Variants in LITAF observed in about 807,000 individuals in gnomAD.
LITAF encodes lipopolysaccharide-induced tumor necrosis factor-alpha factor.
Under a neutral mutation model 14.5 loss-of-function variants are expected in LITAF, and 9 were observed. The ratio of observed to expected loss-of-function variants is 0.62; its 90% CI spans 0.37 to 1.08. The LOEUF (loss-of-function observed/expected upper bound fraction) is 1.08. LITAF is among the 50% of genes least tolerant of loss of function. The pLI is 0.01. For synonymous variants in LITAF, 98 were observed against 88.2 expected, an observed-to-expected ratio of 1.11 and a Z score of -0.62; for missense variants, 206 against 213.4, an observed-to-expected ratio of 0.97 and a Z score of 0.22.
chr16:11,589,211 G>A (rs1028265145), upstream of LITAF, among the ~76,000 whole-genome samples: 9 of 151,958 alleles, frequency 5.9e-5, no homozygotes, highest in African/African-American at 7.3e-5. Flanking sequence ...CTCAATAGAC[G>A]GAAAAAGCAT....
At position 11,549,647 on chromosome 16, in the gene LITAF, T is replaced by C. The variant is rs1429813288; in HGVS notation, c.476A>G (p.Lys159Arg). Residue 159 changes from lysine (K) to arginine (R), a missense_variant, in exon 4 of 4, where the codon AAG becomes AGG. Transcript: ENST00000622633. This position sits in a 1 kb window ranked among gnomAD's most constrained non-coding sequence, Gnocchi z 4.6. ...ACGTCTGGCTGAGTCCTACAAACGC[T>C]TGTAGGTGCCCAGGAGAGCTCTGCA... ...PNCRALLGTY[K>R]RL 1.2e-6 allele frequency: 2 copies of C among 1,612,880 alleles called. No homozygotes were observed. The highest frequency in any genetic ancestry group is 1.1e-5 in the South Asian group (1 of 90,804).
chr16:11,592,805 G>A (rs903803289), intron 1 of LITAF, among the ~76,000 whole-genome samples: 3 of 152,114 alleles, frequency 2.0e-5, no homozygotes, highest in East Asian at 3.9e-4. Context: ...GGAGGCCGAG[G>A]TTGGCAGATC....
chr16:11,587,376 T>C (rs1377795726), upstream of LITAF: 1 of 453,824 alleles, frequency 2.2e-6, no homozygotes, highest in Non-Finnish European at 4.4e-6. Flanking sequence ...CCCGGCCCTC[T>C]GGAGGGCGGC....
At chr16:11,601,601 G>A (rs548118114), upstream of LITAF, among the ~76,000 whole-genome samples, 2 of 152,082 alleles carry the variant, frequency 1.3e-5, no homozygotes, top group African/African-American at 2.4e-5. Flanking sequence ...ACAGGGTCTC[G>A]CTCTGTCGCT....
chr16:11,568,683 G>T (rs55658561), intron 1 of LITAF, among the ~76,000 whole-genome samples: 17,985 of 133,250 alleles, frequency 0.13, 1,728 homozygotes, highest in Non-Finnish European at 0.2. Flanking sequence ...GTTTTTTTTT[G>T]TTTTTTTTTT....
chr16:11,562,049 G>A (rs1414191089), intron 1 of LITAF, among the ~76,000 whole-genome samples: 1 of 151,964 alleles, frequency 6.6e-6, no homozygotes, highest in African/African-American at 2.4e-5. Context: ...CTCTGGAGTA[G>A]GTGGGACTAC....
At chr16:11,562,824 G>C (rs574558986) in intron 1 of LITAF, among the ~76,000 whole-genome samples, 13 of 152,176 alleles carry the variant, frequency 8.5e-5, no homozygotes, top group Middle Eastern at 6.8e-3. Context: ...TTGAGCCCAA[G>C]AGTTTGAGAC....
upstream of LITAF, among the ~76,000 whole-genome samples, chr16:11,602,988 C>T (rs913404310): frequency 6.6e-6 from 1 of 152,028 alleles, no homozygotes; most frequent in African/African-American, 2.4e-5. Flanking sequence ...GTTGCCCATG[C>T]CTGTAGTCCC....
At position 11,632,834 on chromosome 16, in the gene LITAF, C is replaced by T. The variant is rs2046461343; in HGVS notation, c.85+699G>A. ...GTGCCGCCTCCTCGTCCTTCTTCTT[C>T]TGCCGAATGCCTGGAATTCCACAGG... is the stretch of plus-strand genomic sequence containing the variant. On this transcript the variant is annotated intron_variant, in intron 3 of 3. Transcript: ENST00000574848. The surrounding 1 kb of genome is among the most constrained non-coding windows in gnomAD (Gnocchi z 4.8). 6.6e-6 allele frequency among the ~76,000 whole-genome samples: 1 copy of T among 152,228 alleles called. No homozygotes were observed. The highest frequency in any genetic ancestry group is 2.4e-5 in the African/African-American group (1 of 41,462).
intron 1 of LITAF, among the ~76,000 whole-genome samples, chr16:11,595,125 G>A (rs1009903491): frequency 3.6e-4 from 55 of 152,090 alleles, no homozygotes; most frequent in African/African-American, 1.3e-3. Context: ...GACCAATTCC[G>A]GTCACTCATG....
Position 11,548,204 on chromosome 16 carries a change from T to C in LITAF, c.*1433A>G, listed in dbSNP as rs541416009. 2.2e-6 allele frequency: 1 copy of C among 454,114 alleles called. No homozygotes were observed. Among genetic ancestry groups the C allele is most frequent in the South Asian group, 1.6e-5 (1 of 64,480 alleles). 28.1% of individuals were successfully genotyped at this position (454,114 alleles called of 1,614,324 possible). A position where few individuals can be genotyped will look rare whatever the true frequency, so the allele number is the denominator to read the frequency against. On this transcript the variant is annotated 3_prime_UTR_variant, in exon 4 of 4. Coordinates refer to ENST00000622633, the MANE Select transcript of LITAF (RefSeq NM_001136472.2). Reference sequence around the variant, plus strand: ...TTATTTCTACATAGTAGTATTCACATGAGTTCCCTATTCTGAAGTATTATC... The same window carrying C: ...TTATTTCTACATAGTAGTATTCACACGAGTTCCCTATTCTGAAGTATTATC...
Position 11,605,433 on chromosome 16 carries a change from G to T in LITAF, c.85+28100C>A, listed in dbSNP as rs775931326. 5.3e-5 allele frequency among the ~76,000 whole-genome samples: 8 copies of T among 152,136 alleles called. No individual in the cohort carries two copies. Among genetic ancestry groups the T allele is most frequent in the Non-Finnish European group, 8.8e-5 (6 of 68,008 alleles). On this transcript the variant is annotated intron_variant, in intron 3 of 3. Transcript: ENST00000574848. The surrounding 1 kb of genome is among the most constrained non-coding windows in gnomAD (Gnocchi z 4.7). ...AAGGAGCACAGCTAGCACTGCCCTG[G>T]GCTCCCTTCACAGTGTGGGGGACCC...
chr16:11,637,605 C>G (rs1475767041), upstream of LITAF, among the ~76,000 whole-genome samples: 8 of 152,344 alleles, frequency 5.3e-5, no homozygotes, highest in Non-Finnish European at 1.2e-4. Flanking sequence ...CTGCTATTCA[C>G]AGCATAGGCT....
intron 2 of LITAF, among the ~76,000 whole-genome samples, chr16:11,633,906 G>T (rs1294611881): frequency 6.6e-6 from 1 of 152,188 alleles, no homozygotes; most frequent in Non-Finnish European, 1.5e-5. Flanking sequence ...ACCTGAAAGG[G>T]TTGCTGTGAG....
At chr16:11,611,598 A>G (rs1449001033) in intron 3 of LITAF, among the ~76,000 whole-genome samples, 1 of 152,080 alleles carries the variant, frequency 6.6e-6, no homozygotes, top group East Asian at 1.9e-4. Context: ...ATTGCAGCCA[A>G]TTGGGAGCAA....
upstream of LITAF, among the ~76,000 whole-genome samples, chr16:11,600,744 C>T (rs1005348208): frequency 8.5e-5 from 13 of 152,178 alleles, no homozygotes; most frequent in African/African-American, 3.1e-4. This position sits in a 1 kb window ranked among gnomAD's most constrained non-coding sequence, Gnocchi z 4.1. Flanking sequence ...CCAGACCCAA[C>T]CACAGGGGGA....
upstream of LITAF, among the ~76,000 whole-genome samples, chr16:11,599,949 C>T (rs577591063): frequency 3.3e-5 from 5 of 152,076 alleles, no homozygotes; most frequent in Non-Finnish European, 7.4e-5. Context: ...ATGAAACACT[C>T]CCACCCTGTC....
At chr16:11,624,580 G>A (rs1313832552) in intron 3 of LITAF, among the ~76,000 whole-genome samples, 2 of 152,182 alleles carry the variant, frequency 1.3e-5, no homozygotes, top group African/African-American at 4.8e-5. Flanking sequence ...GCACAGCAAG[G>A]CTGCCGTGAC....
intron 3 of LITAF, among the ~76,000 whole-genome samples, chr16:11,633,188 GGGGCAGCCCA>G (rs748664861): frequency 3.7e-4 from 57 of 152,270 alleles, no homozygotes; most frequent in Non-Finnish European, 6.6e-4. Flanking sequence ...ACACGGACCT[GGGGCAGCCCA>G]GGGCCACCTG....
Sources: allele counts gnomAD v4.1 joint callset (sites outside exome capture counted in the v4.1 genomes callset), GRCh38; gene constraint gnomAD v4.1.1; non-coding constraint Gnocchi (gnomAD v3.1); transcripts MANE v1.5; gene names NCBI Gene and HGNC (gene_info 2026-07-23, HGNC 2026-07-21).